DDX11: variants seen among roughly 807,000 people sequenced by gnomAD.
DDX11 encodes the protein DEAD/H-box helicase 11, also known as ATP-dependent DNA helicase DDX11.
DDX11 carries 72 observed loss-of-function variants against 125.2 expected under a neutral mutation model. The observed-to-expected ratio is 0.58, with a 90% CI of 0.48 to 0.70. DDX11 has a LOEUF of 0.70. DDX11 is among the 30% of genes least tolerant of loss of function. DDX11 has a pLI of 0.00. For synonymous variants in DDX11, 347 were observed against 452.6 expected (o/e 0.77, Z 2.96); for missense variants, 883 against 1,165.0 (o/e 0.76, Z 3.52).
rs1592734033 is a variant in DDX11, at chr12:31,094,586, T to A, written c.1370-4T>A. The A allele has an allele frequency of 4.4e-6, 7 of 1,576,522 alleles. No individual in the cohort carries two copies. In the African/African-American group the frequency reaches 6.8e-5, roughly 15 times the overall value. ...TTGTGACCTATTTCCATTCTCTTTTTTAGGGAACATTAAGCAAAATCCCAA... is the reference window on the plus strand; with the variant it reads ...TTGTGACCTATTTCCATTCTCTTTTATAGGGAACATTAAGCAAAATCCCAA... On this transcript the variant is annotated splice_region_variant and splice_polypyrimidine_tract_variant and intron_variant, in intron 12 of 26. Transcript: ENST00000542838.
chr12:31,091,592 T>A (rs1368685318), intron 9 of DDX11, 127 bp from the exon 10 acceptor site: 5 of 1,073,296 alleles, frequency 4.7e-6, no homozygotes, highest in Non-Finnish European at 5.4e-6. Context: ...CACAAGCTGT[T>A]TTTCGAATGT....
Position 31,090,059 on chromosome 12 carries a change from T to C in DDX11, c.1054T>C (p.Tyr352His). 1 of 1,550,180 alleles carries C rather than the reference T, an allele frequency of 6.5e-7. No individual in the cohort carries two copies. Among genetic ancestry groups the C allele is most frequent in the Middle Eastern group, 2.3e-4 (1 of 4,378 alleles). The change falls in exon 9 of 27, where the codon TAT (tyrosine) becomes CAT (histidine). Residue 352 changes from tyrosine to histidine, a missense_variant. Tyr to His is a moderately conservative substitution (Grantham distance 83). Transcript: ENST00000542838. The part of the protein sequence containing the change: ...ALGKEARACP[Y>H]YGSRLAIPAA... ...TGGGAAGGAGGCCCGGGCCTGTCCCTATTACGGGAGCCGCCTTGCCATCCC... is the reference window on the plus strand; with the variant it reads ...TGGGAAGGAGGCCCGGGCCTGTCCCCATTACGGGAGCCGCCTTGCCATCCC...
rs1946493738 is a variant in DDX11, at chr12:31,102,125, C to T, written c.2203-118C>T. 4 of 1,262,162 alleles carry T rather than the reference C, an allele frequency of 3.2e-6. No individual in the cohort carries two copies. In the East Asian group the frequency reaches 1.0e-4, roughly 32 times the overall value. 78.2% of individuals were successfully genotyped at this position (1,262,162 alleles called of 1,614,324 possible). A position where few individuals can be genotyped will look rare whatever the true frequency, so the allele number is the denominator to read the frequency against. On this transcript the variant is annotated intron_variant, in intron 21 of 26. Transcript: ENST00000542838. ...AGTCCCTGACTACAGAGGATTTCCC[C>T]CAAAGTCCCTGGCTGTGAGGTTCTC...
At chr12:31,103,268 G>A (rs533590469) in intron 24 of DDX11, 49 bp from the exon 25 acceptor site, 1 of 1,591,980 alleles carries the variant, frequency 6.3e-7, no homozygotes, top group South Asian at 1.1e-5. Context: ...TTCCCAGGGG[G>A]AGCTGCAGGC....
At chr12:31,086,319 G>A (rs1943138337) in intron 5 of DDX11, 1 of 384,456 alleles carries the variant, frequency 2.6e-6, no homozygotes, top group Non-Finnish European at 5.1e-6. Flanking sequence ...CTGCTTCAGG[G>A]CAGGAACCAC....
At chr12:31,088,812 A>AGGAGCT (rs1943633669) in intron 6 of DDX11, among the ~76,000 whole-genome samples, 1 of 152,338 alleles carries the variant, frequency 6.6e-6, no homozygotes. Context: ...GACTCGTGGA[A>AGGAGCT]GGAGCTGCCT....
chr12:31,078,774 G>A (rs1941236195), intron 2 of DDX11, among the ~76,000 whole-genome samples: 1 of 148,768 alleles, frequency 6.7e-6, no homozygotes, highest in African/African-American at 2.5e-5. Context: ...TGCAAGCTCC[G>A]CCTCCCGGGT....
chr12:31,102,011 T>C (rs1946466541), intron 21 of DDX11, 29 bp downstream of exon 21: 1 of 1,605,682 alleles, frequency 6.2e-7, no homozygotes, highest in African/African-American at 1.3e-5. Context: ...GCCTTCCCAC[T>C]TGTGAGGACA....
Position 31,103,583 on chromosome 12 carries a change from C to T in DDX11, c.2543C>T (p.Ala848Val), listed in dbSNP as rs140335402. The T allele has an allele frequency of 0.097, 156,477 of 1,606,748 alleles. 8,775 individuals are homozygous for T. The highest frequency in any genetic ancestry group is 0.11 in the Non-Finnish European group (132,608 of 1,173,504). ...AGCCTCTGTTCCTATGCAGGCAGGG[C>T]CATCAGGCACCAGAAGGATTTTGCC... is the stretch of plus-strand genomic sequence containing the variant. The part of the protein sequence containing the change: ...MKAVNQSIGR[A>V]IRHQKDFASV... The change falls in exon 26 of 27, where the codon GCC (alanine) becomes GTC (valine). Residue 848 changes from alanine (A) to valine (V), a missense_variant. Ala to Val is a moderately conservative substitution (Grantham distance 64). Around this residue, in one of 5 missense-constraint regions of DDX11, gnomAD observed 285 missense variants for 346.0 expected, o/e 0.82. Transcript: ENST00000542838.
intron 5 of DDX11, 91 bp from the exon 6 acceptor site, chr12:31,087,847 A>G: frequency 1.3e-6 from 2 of 1,524,542 alleles, no homozygotes; most frequent in Middle Eastern, 2.2e-4. Flanking sequence ...GGGAATGGCC[A>G]GGGCTCAGCA....
At chr12:31,098,028 C>G (rs1463649938) in intron 18 of DDX11, 31 bp downstream of exon 18, 1 of 1,589,912 alleles carries the variant, frequency 6.3e-7, no homozygotes, top group African/African-American at 1.3e-5. Context: ...CCCTCGTGCC[C>G]CAGGTGTTGG....
intron 3 of DDX11, 144 bp downstream of exon 3, chr12:31,084,205 A>G (rs1396892528): frequency 5.2e-6 from 6 of 1,153,566 alleles, no homozygotes; most frequent in African/African-American, 1.5e-5. Flanking sequence ...CCTTGGGTCT[A>G]TGGTGCTGCC....
At chr12:31,088,009 C>T (rs1428460791) in intron 6 of DDX11, 26 bp downstream of exon 6, 4 of 1,607,260 alleles carry the variant, frequency 2.5e-6, no homozygotes, top group Middle Eastern at 1.7e-4. Context: ...TCAGCTGGTG[C>T]TGTGCTGGGG....
intron 2 of DDX11, among the ~76,000 whole-genome samples, chr12:31,082,873 G>A (rs1294188888): frequency 6.6e-6 from 1 of 152,146 alleles, no homozygotes; most frequent in Non-Finnish European, 1.5e-5. Context: ...CCTTTCCTTG[G>A]CTTATAGGTG....
intron 5 of DDX11, among the ~76,000 whole-genome samples, chr12:31,087,343 C>A (rs1943336480): frequency 6.6e-6 from 1 of 151,908 alleles, no homozygotes; most frequent in African/African-American, 2.4e-5. Flanking sequence ...AGAAACAAGG[C>A]CGACCTGGGT....
At chr12:31,077,684 A>T (rs1319142068) in intron 1 of DDX11, among the ~76,000 whole-genome samples, 1 of 146,348 alleles carries the variant, frequency 6.8e-6, no homozygotes, top group Non-Finnish European at 1.5e-5. Flanking sequence ...CGTCTCTACC[A>T]AAAAAAAAAA....
At chr12:31,083,222 G>A (rs1270958344) in intron 2 of DDX11, among the ~76,000 whole-genome samples, 1 of 151,732 alleles carries the variant, frequency 6.6e-6, no homozygotes, top group Non-Finnish European at 1.5e-5. Flanking sequence ...AACTGTGTGA[G>A]CCCAGGAGTT....
intron 6 of DDX11, among the ~76,000 whole-genome samples, chr12:31,088,272 G>A (rs1307616614): frequency 6.6e-6 from 1 of 151,860 alleles, no homozygotes; most frequent in South Asian, 2.1e-4. Context: ...TCTTGAGTTT[G>A]GGGCCTGGGG....
chr12:31,079,493 C>CTG (rs1409298700), intron 2 of DDX11, among the ~76,000 whole-genome samples: 147 of 112,918 alleles, frequency 1.3e-3, no homozygotes, highest in African/African-American at 4.9e-3. Context: ...TGCGTTCTTA[C>CTG]TGTGGAGCAA....
Sources: gnomAD v4.1 joint callset for allele counts (sites outside exome capture counted in the v4.1 genomes callset) on GRCh38, gnomAD v4.1.1 for gene constraint, gnomAD v4.1.1 regional missense constraint, MANE v1.5 for transcripts, NCBI Gene and HGNC (gene_info 2026-07-23, HGNC 2026-07-21) for gene names.